TTYH2: variants seen among roughly 807,000 people sequenced by gnomAD.
TTYH2 encodes protein tweety homolog 2.
A neutral mutation model predicts 68.3 loss-of-function variants in TTYH2; 49 were observed. The observed-to-expected ratio is 0.72, with a 90% CI of 0.57 to 0.91. The LOEUF (loss-of-function observed/expected upper bound fraction) is 0.91, where lower values mean the gene tolerates loss of function less well. TTYH2 is among the 40% of genes least tolerant of loss of function. TTYH2 has a pLI of 0.00. For synonymous variants in TTYH2, 272 were observed against 300.8 expected, an observed-to-expected ratio of 0.90 and a Z score of 0.99; for missense variants, 631 against 700.4, an observed-to-expected ratio of 0.90 and a Z score of 1.12.
In TTYH2 at chr17:74,261,975, T is replaced by C. The variant is rs779864944; in HGVS notation, c.*1766T>C. The C allele has an allele frequency of 1.3e-5, 2 of 152,646 alleles. No homozygotes were observed. The highest frequency in any genetic ancestry group is 2.1e-4 in the South Asian group (1 of 4,834). The allele number at this position is 152,646 out of a possible 1,614,324, so 9.5% of individuals were successfully genotyped here. On this transcript the variant is annotated 3_prime_UTR_variant, in exon 14 of 14. Transcript: ENST00000269346. The stretch of plus-strand genomic sequence containing the variant: ...CCAGGTGGGCAAACCTTTGCTTATA[T>C]ACATGCGGCCTCACCTGGAAGAGAA...
chr17:74,240,429 ACT>A (rs1387968766), intron 4 of TTYH2, among the ~76,000 whole-genome samples: 2 of 147,764 alleles, frequency 1.4e-5, no homozygotes, highest in East Asian at 4.0e-4. Context: ...ATAGAGTGAG[ACT>A]CTGTCTCAAA....
intron 6 of TTYH2, among the ~76,000 whole-genome samples, chr17:74,246,798 A>G (rs1338783180): frequency 1.3e-5 from 2 of 152,194 alleles, no homozygotes; most frequent in Non-Finnish European, 2.9e-5. Context: ...CCCCACAATC[A>G]TGGTGGAAGG....
rs12150474 is a variant in TTYH2 at position 74,239,326 on chromosome 17, G to A, written c.635+1812G>A. 0.089 allele frequency among the ~76,000 whole-genome samples: 13,577 copies of A among 152,272 alleles called. 795 individuals are homozygous for A. The highest frequency in any genetic ancestry group is 0.21 in the Middle Eastern group (63 of 294). On this transcript the variant is annotated intron_variant, in intron 4 of 13. Transcript: ENST00000269346. This position sits in a 1 kb window ranked among gnomAD's most constrained non-coding sequence, Gnocchi z 5.3. ...CTTGTGCTCCCAGGGCCCGGGCCTA[G>A]CATGGAGGAGGCACGTGGGGAGGGG...
chr17:74,254,678 A>G (rs1224499834), intron 13 of TTYH2, among the ~76,000 whole-genome samples: 1 of 152,260 alleles, frequency 6.6e-6, no homozygotes, highest in Non-Finnish European at 1.5e-5. Flanking sequence ...TTCAGCCTTT[A>G]AGAAGGTTTG....
rs2143773661 is a variant in TTYH2 at position 74,250,377 on chromosome 17, T to G, written c.1116+20T>G. 1.9e-6 allele frequency: 3 copies of G among 1,606,116 alleles called. No individual in the cohort carries two copies. Among genetic ancestry groups the G allele is most frequent in the Non-Finnish European group, 2.6e-6 (3 of 1,174,694 alleles). On this transcript the variant is annotated intron_variant, in intron 10 of 13. Coordinates refer to ENST00000269346, the MANE Select transcript of TTYH2 (RefSeq NM_032646.6). The stretch of plus-strand genomic sequence containing the variant: ...CACAAGGTGCATGGGGACCCTGGGG[T>G]CACGTGGAGAGTGTGAGGGCACCCA...
intron 2 of TTYH2, among the ~76,000 whole-genome samples, chr17:74,227,761 G>GC (rs2050345346): frequency 1.5e-5 from 2 of 136,754 alleles, no homozygotes; most frequent in African/African-American, 5.3e-5. Flanking sequence ...TTTTTTTTTT[G>GC]TTTTTTTTTT....
At chr17:74,236,004 A>G (rs1458713506) in intron 3 of TTYH2, among the ~76,000 whole-genome samples, 1 of 152,110 alleles carries the variant, frequency 6.6e-6, no homozygotes, top group Admixed American at 6.6e-5. Context: ...ACCTTTAAAT[A>G]TAAATAAATA....
At chr17:74,248,239 A>G (rs1205095896) in intron 6 of TTYH2, 23 of 983,374 alleles carry the variant, frequency 2.3e-5, no homozygotes, top group Non-Finnish European at 2.5e-5. Flanking sequence ...GAGGCCCCCC[A>G]GTTTATCCAG....
rs185980374 is a variant in TTYH2 at position 74,244,628 on chromosome 17, G to C, written c.804+579G>C. ...AAAAAAGTTGGGGGCTTCCTATGCGGGTCCACATGATCTTTAAAGGACCTA... is the reference window on the plus strand; with the variant it reads ...AAAAAAGTTGGGGGCTTCCTATGCGCGTCCACATGATCTTTAAAGGACCTA... On this transcript the variant is annotated intron_variant, in intron 6 of 13. Coordinates refer to ENST00000269346, the MANE Select transcript of TTYH2 (RefSeq NM_032646.6). 1.2e-4 allele frequency among the ~76,000 whole-genome samples: 19 copies of C among 152,300 alleles called. No homozygotes were observed. In the East Asian group the frequency reaches 2.9e-3, roughly 23 times the overall value.
At chr17:74,216,093 T>C (rs948924384) in intron 1 of TTYH2, among the ~76,000 whole-genome samples, 6 of 152,214 alleles carry the variant, frequency 3.9e-5, no homozygotes, top group Non-Finnish European at 8.8e-5. Flanking sequence ...CCACATATCA[T>C]GCCTAGTACA....
intron 5 of TTYH2, 36 bp from the exon 6 acceptor site, chr17:74,243,941 C>A (rs938140739): frequency 6.2e-6 from 10 of 1,602,932 alleles, no homozygotes; most frequent in Non-Finnish European, 8.5e-6. Context: ...GGAAGGGGAC[C>A]CCGCCTGCCA....
intron 2 of TTYH2, among the ~76,000 whole-genome samples, chr17:74,229,331 A>G (rs530491814): frequency 6.6e-6 from 1 of 152,204 alleles, no homozygotes; most frequent in South Asian, 2.1e-4. Flanking sequence ...CCCCAGATCT[A>G]CTGCATCAGC....
chr17:74,231,043 A>G, intron 3 of TTYH2, 44 bp downstream of exon 3: 1 of 1,582,502 alleles, frequency 6.3e-7, no homozygotes, highest in Non-Finnish European at 8.7e-7. Context: ...ACAGCCCACA[A>G]GGTCAGCGTG....
At chr17:74,246,670 A>G (rs2050561234) in intron 6 of TTYH2, among the ~76,000 whole-genome samples, 2 of 152,164 alleles carry the variant, frequency 1.3e-5, no homozygotes, top group African/African-American at 2.4e-5. Flanking sequence ...CCATGGCATG[A>G]GTAATGCACA....
intron 6 of TTYH2, chr17:74,248,385 GT>G (rs758745747): frequency 3.7e-5 from 37 of 986,980 alleles, no homozygotes; most frequent in Non-Finnish European, 4.5e-5. Context: ...AGGCCGTGCT[GT>G]GGGGCCAGGT....
intron 1 of TTYH2, among the ~76,000 whole-genome samples, chr17:74,221,382 A>C (rs1286810458): frequency 6.6e-6 from 1 of 152,170 alleles, no homozygotes; most frequent in African/African-American, 2.4e-5. Context: ...TCCCTGCACA[A>C]GTCTCGTCTC....
chr17:74,233,353 G>A (rs747742), intron 3 of TTYH2, among the ~76,000 whole-genome samples: 31,855 of 152,192 alleles, frequency 0.21, 3,487 homozygotes, highest in South Asian at 0.31. Context: ...GATCCAAGGG[G>A]AGAAGTCCGG....
Position 74,250,347 on chromosome 17 carries a change from G to GGCT in TTYH2, c.1109_1111dup (p.Leu370dup). The GGCT allele has an allele frequency of 6.2e-7, 1 of 1,613,136 alleles. No individual in the cohort carries two copies. Among genetic ancestry groups the GGCT allele is most frequent in the Non-Finnish European group, 8.5e-7 (1 of 1,179,522 alleles). ...CTGACCGCCATGGTGGACTGCCGAG[G>GGCT]GCTGCACAAGGTGCATGGGGACCCT... On this transcript the variant is annotated inframe_insertion, in exon 10 of 14. Coordinates refer to ENST00000269346, the MANE Select transcript of TTYH2 (RefSeq NM_032646.6).
chr17:74,253,850 C>T lies in TTYH2; in HGVS notation c.1524+17C>T. 2 of 1,613,692 alleles carry T rather than the reference C, an allele frequency of 1.2e-6. No individual in the cohort carries two copies. On this transcript the variant is annotated intron_variant, in intron 13 of 13. Transcript: ENST00000269346. ...CCGCCTACGGTAATTGGGGCTCTGG[C>T]CCTTCCTTGTTGGGGTAATACATAA...
Sources: gnomAD v4.1 joint callset for allele counts (sites outside exome capture counted in the v4.1 genomes callset) on GRCh38, gnomAD v4.1.1 for gene constraint, Gnocchi (gnomAD v3.1) non-coding constraint, MANE v1.5 for transcripts, NCBI Gene and HGNC (gene_info 2026-07-23, HGNC 2026-07-21) for gene names.